The following PTK2 variants were observed in gnomAD, a reference collection of about 807,000 sequenced individuals.
The protein encoded by PTK2 is protein tyrosine kinase 2.
A neutral mutation model predicts 150.1 loss-of-function variants in PTK2; 45 were observed. That is an observed-to-expected ratio of 0.30 (90% CI 0.24 to 0.38). The LOEUF (loss-of-function observed/expected upper bound fraction) is 0.38, where lower values mean the gene tolerates loss of function less well. PTK2 is among the 10% of genes least tolerant of loss of function. PTK2 has a pLI of 1.00. For missense variants in PTK2, 919 were observed against 1,307.3 expected, an observed-to-expected ratio of 0.70 and a Z score of 4.58; for synonymous variants, 432 against 449.2, an observed-to-expected ratio of 0.96 and a Z score of 0.48.
intron 2 of PTK2, chr8:140,892,697 A>T (rs552402432): frequency 4.1e-5 from 16 of 388,716 alleles, no homozygotes; most frequent in Non-Finnish European, 7.9e-5. Context: ...AAGTCAAAAG[A>T]TGCCAAAAAC....
intron 10 of PTK2, among the ~76,000 whole-genome samples, chr8:140,806,773 T>G (rs1429031772): frequency 6.6e-6 from 1 of 152,120 alleles, no homozygotes; most frequent in Non-Finnish European, 1.5e-5. Flanking sequence ...TGATAGAGAT[T>G]TTAAAAAATT....
At chr8:140,948,593 CTT>C (rs137878991) in intron 1 of PTK2, 63,547 of 151,708 alleles carry the variant, frequency 0.42, 14,014 homozygotes, top group South Asian at 0.55. Context: ...TAAGCTAAAC[CTT>C]TATATCCCAA....
intron 10 of PTK2, among the ~76,000 whole-genome samples, chr8:140,813,271 C>T (rs1200301535): frequency 6.6e-6 from 1 of 152,046 alleles, no homozygotes; most frequent in East Asian, 1.9e-4. Context: ...ATAAACTGCT[C>T]CCGAATGACT....
At chr8:141,000,013 C>CGG (rs1211580406) in intron 1 of PTK2, among the ~76,000 whole-genome samples, 1 of 108,006 alleles carries the variant, frequency 9.3e-6, no homozygotes, top group Non-Finnish European at 2.2e-5. Context: ...TGAAATGACT[C>CGG]GGAAAAAAAA....
chr8:140,742,183 T>G (rs1249176183), intron 20 of PTK2, among the ~76,000 whole-genome samples: 6 of 152,148 alleles, frequency 3.9e-5, no homozygotes, highest in Non-Finnish European at 8.8e-5. Context: ...AGATCCAAGG[T>G]GCTGGAGTTA....
chr8:140,667,946 G>A (rs2093336976), intron 30 of PTK2, among the ~76,000 whole-genome samples: 2 of 152,246 alleles, frequency 1.3e-5, no homozygotes, highest in South Asian at 4.1e-4. Context: ...TACATAAATG[G>A]CATCATACTG....
At chr8:140,830,522 C>G in exon 8 of PTK2, 1 of 1,519,366 alleles carries the variant, frequency 6.6e-7, no homozygotes, top group East Asian at 2.4e-5. Flanking sequence ...AAACCAACAT[C>G]TTTTCTGAAA....
chr8:140,755,570 C>T (rs73714746), intron 16 of PTK2, among the ~76,000 whole-genome samples: 6,190 of 152,254 alleles, frequency 0.041, 414 homozygotes, highest in African/African-American at 0.14. Flanking sequence ...TCTGCTAACA[C>T]GTCTTGTCAG....
intron 8 of PTK2, among the ~76,000 whole-genome samples, chr8:140,828,228 A>G (rs1250707871): frequency 1.3e-5 from 2 of 152,002 alleles, no homozygotes; most frequent in Non-Finnish European, 2.9e-5. Context: ...GGGTCCCAAG[A>G]TTGAAGGGAG....
At chr8:140,691,369 C>T (rs2100023129) in intron 26 of PTK2, among the ~76,000 whole-genome samples, 1 of 152,190 alleles carries the variant, frequency 6.6e-6, no homozygotes, top group Non-Finnish European at 1.5e-5. Context: ...TGATTTTCAT[C>T]TATGTAGCAA....
intron 12 of PTK2, among the ~76,000 whole-genome samples, chr8:140,793,666 A>G (rs1417844717): frequency 6.6e-6 from 1 of 152,248 alleles, no homozygotes; most frequent in Non-Finnish European, 1.5e-5. Context: ...CAGGAGACTA[A>G]AAGATGAAGG....
At chr8:140,735,601 C>G (rs765835694) in intron 21 of PTK2, 146 bp from the exon 25 acceptor site, 4 of 654,786 alleles carry the variant, frequency 6.1e-6, no homozygotes, top group South Asian at 5.7e-5. Flanking sequence ...TATATTAACT[C>G]TAGTATAAAA....
chr8:140,998,676 G>A (rs1053960776), intron 1 of PTK2, among the ~76,000 whole-genome samples: 1 of 151,862 alleles, frequency 6.6e-6, no homozygotes, highest in Admixed American at 6.6e-5. Flanking sequence ...AAAATTAGCC[G>A]GGCGTGGTGG....
At chr8:140,692,965 C>T (rs1180605252) in intron 26 of PTK2, among the ~76,000 whole-genome samples, 3 of 152,086 alleles carry the variant, frequency 2.0e-5, no homozygotes, top group Non-Finnish European at 2.9e-5. Flanking sequence ...TTTCTCAAAA[C>T]ACAAAGTAGG....
chr8:140,953,287 A>G, intron 1 of PTK2, among the ~76,000 whole-genome samples: 3 of 152,342 alleles, frequency 2.0e-5, no homozygotes, highest in African/African-American at 7.2e-5. Context: ...GGTTTAATTT[A>G]TAAATTAGGG....
In PTK2 at chr8:140,703,017, T is replaced by A. The variant is rs80268886; in HGVS notation, c.2230-310A>T. Among the ~76,000 whole-genome samples the A allele has an allele frequency of 2.4e-3, 363 of 152,204 alleles. 2 individuals carry two copies. The highest frequency in any genetic ancestry group is 8.4e-3 in the African/African-American group (348 of 41,536). ...GAAGCATAAGAGGAGGGAGGGACAATGGGACCACTGAAGAAGGGTCAGAGA... is the reference window on the plus strand; with the variant it reads ...GAAGCATAAGAGGAGGGAGGGACAAAGGGACCACTGAAGAAGGGTCAGAGA... On this transcript the variant is annotated intron_variant, in intron 24 of 31. Coordinates refer to ENST00000522684, the Ensembl canonical transcript of PTK2.
Position 140,731,078 on chromosome 8 carries a change from G to GC in PTK2, c.2030+4172dup, listed in dbSNP as rs532919039. 4.4e-3 allele frequency among the ~76,000 whole-genome samples: 655 copies of GC among 149,836 alleles called. 4 individuals carry two copies. Among genetic ancestry groups the GC allele is most frequent in the African/African-American group, 0.015 (625 of 40,808 alleles). ...AGGTTCAAGCGACTCTCTTGCCTCA[G>GC]CCTCTTGAATACCTGGGATTACAGG... On this transcript the variant is annotated intron_variant, in intron 22 of 31. Coordinates refer to ENST00000522684, the Ensembl canonical transcript of PTK2.
At chr8:140,662,044 C>G (rs1289588039) in intron 31 of PTK2, among the ~76,000 whole-genome samples, 1 of 152,004 alleles carries the variant, frequency 6.6e-6, no homozygotes, top group Admixed American at 6.6e-5. Context: ...ACGCCTGTAA[C>G]CCCAGCACTT....
At chr8:140,710,670 C>CA (rs1385881372) in intron 23 of PTK2, among the ~76,000 whole-genome samples, 3 of 152,022 alleles carry the variant, frequency 2.0e-5, no homozygotes, top group African/African-American at 2.4e-5. Context: ...GACTCTGTCT[C>CA]AAAAAACAGA....
Sources: gnomAD v4.1 joint callset for allele counts (sites outside exome capture counted in the v4.1 genomes callset) on GRCh38, gnomAD v4.1.1 for gene constraint, MANE v1.5 for transcripts, NCBI Gene and HGNC (gene_info 2026-07-23, HGNC 2026-07-21) for gene names.